Variants in LPIN1 observed in about 807,000 individuals in gnomAD.
The protein encoded by LPIN1 is phosphatidate phosphatase LPIN1.
In LPIN1, 71 loss-of-function variants were observed where a neutral mutation model predicts 107.5. The observed-to-expected ratio is 0.66, with a 90% CI of 0.55 to 0.80. The LOEUF (loss-of-function observed/expected upper bound fraction) is 0.80, where lower values mean the gene tolerates loss of function less well. Ranked by LOEUF, LPIN1 falls within the 30% of genes least tolerant of loss-of-function variation. The pLI, the probability that LPIN1 is intolerant of heterozygous loss-of-function variation, is 0.00. For missense variants in LPIN1, 1,043 were observed against 1,160.6 expected, an observed-to-expected ratio of 0.90 and a Z score of 1.47; for synonymous variants, 445 against 452.6, an observed-to-expected ratio of 0.98 and a Z score of 0.21.
intron 1 of LPIN1, among the ~76,000 whole-genome samples, chr2:11,748,903 G>A (rs1297216596): frequency 2.0e-5 from 3 of 152,154 alleles, no homozygotes; most frequent in Non-Finnish European, 4.4e-5. Context: ...CCAGGACACC[G>A]AGGCTGGTGG....
intron 20 of LPIN1, 136 bp from the exon 21 acceptor site, chr2:11,824,496 C>A: frequency 1.3e-6 from 1 of 789,886 alleles, no homozygotes; most frequent in Non-Finnish European, 2.2e-6. Flanking sequence ...ACAAATTATT[C>A]TAGAATGACT....
intron 7 of LPIN1, among the ~76,000 whole-genome samples, chr2:11,780,345 C>T (rs1173786125): frequency 6.6e-6 from 1 of 152,194 alleles, no homozygotes; most frequent in Non-Finnish European, 1.5e-5. Flanking sequence ...GTTGTGGACT[C>T]TTGGCCCATT....
At chr2:11,688,983 G>T (rs1664045702) in intron 1 of LPIN1, among the ~76,000 whole-genome samples, 2 of 152,164 alleles carry the variant, frequency 1.3e-5, no homozygotes, top group Non-Finnish European at 2.9e-5. Flanking sequence ...ACAAAGAAAA[G>T]GAACAGCAAG....
At chr2:11,793,279 C>T (rs1243838016) in intron 13 of LPIN1, among the ~76,000 whole-genome samples, 10 of 152,350 alleles carry the variant, frequency 6.6e-5, no homozygotes, top group Admixed American at 5.2e-4. Context: ...ACTTCTCTGA[C>T]GTGTCCATGT....
In LPIN1 at chr2:11,765,558, A is replaced by C. The variant is rs1489431371; in HGVS notation, c.17A>C (p.Gln6Pro). 1 of 1,613,900 alleles carries C rather than the reference A, an allele frequency of 6.2e-7. No individual in the cohort carries two copies. The highest frequency in any genetic ancestry group is 1.7e-5 in the Admixed American group (1 of 60,012). Residue 6 changes from glutamine (Q) to proline (P), a missense_variant, in exon 2 of 21, where the codon CAG becomes CCG. Physicochemically the swap from Gln to Pro is moderately conservative, Grantham distance 76. Transcript: ENST00000674199. This position sits in a 1 kb window ranked among gnomAD's most constrained non-coding sequence, Gnocchi z 4.4. MNYVG[Q>P]LAGQVFVTVK... ...GTGCAGACCATGAATTACGTGGGGC[A>C]GTTAGCCGGCCAGGTGTTTGTCACC...
chr2:11,802,009 G>A (rs533001368), intron 14 of LPIN1, among the ~76,000 whole-genome samples: 1 of 152,278 alleles, frequency 6.6e-6, no homozygotes, highest in South Asian at 2.1e-4. Flanking sequence ...TGCTGAGCCA[G>A]AGGCTTTGTA....
intron 2 of LPIN1, among the ~76,000 whole-genome samples, chr2:11,766,554 T>A (rs1349511186): frequency 2.0e-5 from 3 of 151,896 alleles, no homozygotes; most frequent in Admixed American, 2.0e-4. Flanking sequence ...AGGTCGTGAG[T>A]GTTCAGGAGA....
At chr2:11,809,743 G>A (rs571708717) in intron 17 of LPIN1, among the ~76,000 whole-genome samples, 45 of 152,222 alleles carry the variant, frequency 3.0e-4, no homozygotes, top group Admixed American at 9.2e-4. Flanking sequence ...CCTGCCCGCA[G>A]CAGTTATTTC....
chr2:11,802,712 G>A (rs1305914859), intron 14 of LPIN1, among the ~76,000 whole-genome samples, 195 bp from the exon 15 acceptor site: 1 of 152,124 alleles, frequency 6.6e-6, no homozygotes, highest in African/African-American at 2.4e-5. Flanking sequence ...CCCCACACGT[G>A]TAATGCAAGA....
intron 1 of LPIN1, among the ~76,000 whole-genome samples, chr2:11,738,078 C>G (rs1034537882): frequency 2.0e-5 from 3 of 152,114 alleles, no homozygotes; most frequent in Non-Finnish European, 4.4e-5. Context: ...AGGTCATGTC[C>G]TTTGTAGGGG....
chr2:11,689,140 C>T (rs916733574), intron 1 of LPIN1, among the ~76,000 whole-genome samples: 1 of 152,206 alleles, frequency 6.6e-6, no homozygotes, highest in Non-Finnish European at 1.5e-5. Context: ...ACCGAGTGCT[C>T]TCTCTCCATG....
upstream of LPIN1, chr2:11,724,267 G>A: frequency 1.2e-6 from 1 of 867,496 alleles, no homozygotes; most frequent in Non-Finnish European, 1.4e-6. Flanking sequence ...AAATGCTGAT[G>A]TCATAGTCCC....
chr2:11,808,120 A>C (rs549142066), intron 17 of LPIN1, among the ~76,000 whole-genome samples: 89 of 152,230 alleles, frequency 5.8e-4, no homozygotes, highest in African/African-American at 2.0e-3. Context: ...CTCAGGCCAC[A>C]ATCTGTGACC....
rs1226546473 is a variant in LPIN1 at position 11,826,133 on chromosome 2, ATT to A, written c.*1348_*1349del. On this transcript the variant is annotated 3_prime_UTR_variant, in exon 21 of 21. Transcript: ENST00000674199. ...ATTTTGCTTTACTTTTCGAAGCATT[ATT>A]TTTTTAAAGAGTGTTTTACTCCAAC... 3 of 152,374 alleles carry A rather than the reference ATT, an allele frequency of 2.0e-5. No individual in the cohort carries two copies. The highest frequency in any genetic ancestry group is 2.9e-5 in the Non-Finnish European group (2 of 67,864). The allele number at this position is 152,374 out of a possible 1,614,324, so 9.4% of individuals were successfully genotyped here. A position where few individuals can be genotyped will look rare whatever the true frequency, so the allele number is the denominator to read the frequency against.
upstream of LPIN1, chr2:11,724,200 C>G (rs548828024): frequency 1.2e-5 from 4 of 336,534 alleles, no homozygotes; most frequent in African/African-American, 8.9e-5. Flanking sequence ...TGCGTGCCCC[C>G]TCCTGAAACC....
chr2:11,737,015 T>C (rs1369311953), intron 1 of LPIN1, among the ~76,000 whole-genome samples: 3 of 152,242 alleles, frequency 2.0e-5, no homozygotes, highest in Non-Finnish European at 4.4e-5. Flanking sequence ...CCAAAGGGCA[T>C]CACTTTTATA....
At position 11,803,387 on chromosome 2, in the gene LPIN1, T is replaced by G. The variant is rs148412718; in HGVS notation, c.2013+354T>G. ...GTTTTTGCTTCAAGAGAGAGATGTTTGTTAACTCAAATGCATCTCTTAAGT... is the reference window on the plus strand; with the variant it reads ...GTTTTTGCTTCAAGAGAGAGATGTTGGTTAACTCAAATGCATCTCTTAAGT... On this transcript the variant is annotated intron_variant, in intron 15 of 20. Coordinates refer to ENST00000674199, the MANE Select transcript of LPIN1 (RefSeq NM_001349206.2). The surrounding 1 kb of genome is among the most constrained non-coding windows in gnomAD (Gnocchi z 4.2). 2.6e-3 allele frequency among the ~76,000 whole-genome samples: 398 copies of G among 152,328 alleles called. 1 individual carries two copies. Among genetic ancestry groups the G allele is most frequent in the Middle Eastern group, 6.8e-3 (2 of 294 alleles).
chr2:11,683,882 G>A (rs1003985319), intron 1 of LPIN1, among the ~76,000 whole-genome samples: 2 of 152,232 alleles, frequency 1.3e-5, no homozygotes, highest in African/African-American at 4.8e-5. Context: ...CCTTGCCCAA[G>A]TTGCCTTGAG....
At chr2:11,788,238 T>C (rs1036146104) in intron 11 of LPIN1, 149 bp from the exon 12 acceptor site, 5 of 655,192 alleles carry the variant, frequency 7.6e-6, no homozygotes, top group African/African-American at 1.8e-5. Flanking sequence ...AGGGGTGATA[T>C]GGAGGAGGGC....
Sources: allele counts gnomAD v4.1 joint callset (sites outside exome capture counted in the v4.1 genomes callset), GRCh38; gene constraint gnomAD v4.1.1; non-coding constraint Gnocchi (gnomAD v3.1); transcripts MANE v1.5; gene names NCBI Gene and HGNC (gene_info 2026-07-23, HGNC 2026-07-21).